The following ADGRD1 variants were observed in gnomAD, a reference collection of about 807,000 sequenced individuals.
ADGRD1 encodes G-protein coupled receptor 133.
ADGRD1 carries 77 observed loss-of-function variants against 113.4 expected under a neutral mutation model. That is an observed-to-expected ratio of 0.68 (90% confidence interval 0.57 to 0.82). ADGRD1 has a LOEUF of 0.82. Among genes scored for constraint, ADGRD1 ranks in the 40% least tolerant of loss-of-function variants. The pLI, the probability that ADGRD1 is intolerant of heterozygous loss-of-function variation, is 0.00. For synonymous variants in ADGRD1, 474 were observed against 475.0 expected (o/e 1.00, Z 0.03); for missense variants, 1,036 against 1,139.1 (o/e 0.91, Z 1.30).
Position 130,967,483 on chromosome 12 carries a change from G to A in ADGRD1, c.187+937G>A, listed in dbSNP as rs1011332626. 12 of 157,366 alleles carry A rather than the reference G, an allele frequency of 7.6e-5. No individual in the cohort carries two copies. In the South Asian group the frequency reaches 1.1e-3, roughly 15 times the overall value. 9.7% of individuals were successfully genotyped at this position (157,366 alleles called of 1,614,324 possible). On this transcript the variant is annotated intron_variant, in intron 3 of 24. Transcript: ENST00000261654. ...ATGTCAGATGGCTGACATGGGCGGC[G>A]AGGGTTTACCGTACAGCAATCCTAG...
At position 131,108,748 on chromosome 12, in the gene ADGRD1, C is replaced by T. The variant is rs753636570; in HGVS notation, c.1912C>T (p.Leu638Phe). The T allele has an allele frequency of 1.4e-5, 22 of 1,613,964 alleles. No homozygotes were observed. Among genetic ancestry groups the T allele is most frequent in the African/African-American group, 1.3e-5 (1 of 74,914 alleles). ...GACCCCCTGCCAAGTGATGGCCGTG[C>T]TCCTACACTACTTCTTCCTGAGTGC... ...GTTPCQVMAVLLHYFFLSAFA... is the reference protein window; with the variant it reads ...GTTPCQVMAVFLHYFFLSAFA... Residue 638 changes from leucine (L) to phenylalanine (F), a missense_variant, in exon 18 of 25, where the codon CTC (leucine) becomes TTC (phenylalanine). Coordinates refer to ENST00000261654, the MANE Select transcript of ADGRD1 (RefSeq NM_198827.5).
At position 131,139,641 on chromosome 12, in the gene ADGRD1, C is replaced by T. The variant is rs577218566; in HGVS notation, c.*378C>T. 1.6e-5 allele frequency: 3 copies of T among 189,258 alleles called. No homozygotes were observed. The South Asian group carries it at 3.2e-4, about 20-fold the overall frequency. The allele number at this position is 189,258 out of a possible 1,614,324, so 11.7% of individuals were successfully genotyped here. A position where few individuals can be genotyped will look rare whatever the true frequency, so the allele number is the denominator to read the frequency against. On this transcript the variant is annotated 3_prime_UTR_variant, in exon 25 of 25. Coordinates refer to ENST00000261654, the MANE Select transcript of ADGRD1 (RefSeq NM_198827.5). ...GCAGCACCAGGAGGGGATGTTCAGC[C>T]TCTGTGCCTTGGTGGGGCTTGGGGA...
chr12:131,121,048 G>A (rs542399874), intron 20 of ADGRD1, 135 bp downstream of exon 20: 12 of 738,128 alleles, frequency 1.6e-5, no homozygotes, highest in African/African-American at 1.6e-4. Context: ...GTCACTCCTC[G>A]CTAGGGCTCC....
chr12:130,996,900 A>C (rs1875513742), intron 8 of ADGRD1, among the ~76,000 whole-genome samples: 3 of 116,212 alleles, frequency 2.6e-5, no homozygotes, highest in Non-Finnish European at 3.6e-5. Flanking sequence ...ACTTCCCAGT[A>C]GGGGCGGCCG....
intron 4 of ADGRD1, among the ~76,000 whole-genome samples, chr12:130,972,421 G>T (rs1182921548): frequency 6.6e-6 from 1 of 152,114 alleles, no homozygotes; most frequent in Non-Finnish European, 1.5e-5. Flanking sequence ...GGACAAAATG[G>T]ACTTTGTTCC....
chr12:131,001,381 C>T (rs762608180), intron 9 of ADGRD1, among the ~76,000 whole-genome samples: 16 of 152,300 alleles, frequency 1.1e-4, no homozygotes, highest in Non-Finnish European at 2.4e-4. Flanking sequence ...AAAATCACTT[C>T]AAATCCTAAA....
In ADGRD1 at chr12:130,984,849, C is replaced by T. The variant is rs1321191372; in HGVS notation, c.491-2246C>T. Reference sequence around the variant, plus strand: ...CCTTCCTTCCTTCTTGCCTTCCATCCTCCCTTGCTCCCTTCCTTTCCTTCT... The same window carrying T: ...CCTTCCTTCCTTCTTGCCTTCCATCTTCCCTTGCTCCCTTCCTTTCCTTCT... On this transcript the variant is annotated intron_variant, in intron 5 of 24. Coordinates refer to ENST00000261654, the MANE Select transcript of ADGRD1 (RefSeq NM_198827.5). The surrounding 1 kb of genome is among the most constrained non-coding windows in gnomAD (Gnocchi z 4.1). 1.3e-5 allele frequency among the ~76,000 whole-genome samples: 2 copies of T among 150,284 alleles called. No individual in the cohort carries two copies. Among genetic ancestry groups the T allele is most frequent in the African/African-American group, 4.9e-5 (2 of 40,790 alleles).
At chr12:131,102,037 A>G (rs996434330) in intron 15 of ADGRD1, among the ~76,000 whole-genome samples, 1 of 152,194 alleles carries the variant, frequency 6.6e-6, no homozygotes, top group Non-Finnish European at 1.5e-5. Flanking sequence ...AGGGGGGTTT[A>G]TTTTACCTGC....
At chr12:131,098,710 G>A (rs901462502) in intron 15 of ADGRD1, among the ~76,000 whole-genome samples, 3 of 152,230 alleles carry the variant, frequency 2.0e-5, no homozygotes, top group Admixed American at 6.5e-5. Context: ...CTCCGCCACC[G>A]CCCCTGTGTG....
chr12:131,011,164 T>G (rs1391514617), intron 12 of ADGRD1, among the ~76,000 whole-genome samples: 2 of 95,934 alleles, frequency 2.1e-5, no homozygotes, highest in Non-Finnish European at 2.1e-5. Context: ...TTCCCCACCC[T>G]GCCCCACCTC....
intron 13 of ADGRD1, among the ~76,000 whole-genome samples, chr12:131,047,071 T>C (rs1410713373): frequency 4.2e-5 from 6 of 144,088 alleles, no homozygotes; most frequent in African/African-American, 1.3e-4. Context: ...TCGTCAATGC[T>C]CCTCCCTGGT....
In ADGRD1 at chr12:131,114,118, G is replaced by A. The variant is rs1353669619; in HGVS notation, c.2042-4267G>A. 2.6e-5 allele frequency among the ~76,000 whole-genome samples: 4 copies of A among 152,298 alleles called. No homozygotes were observed. In the South Asian group the frequency reaches 6.2e-4, roughly 24 times the overall value. On this transcript the variant is annotated intron_variant, in intron 18 of 24. Transcript: ENST00000261654. ...TGTATGTAGCGGGGCTGTCTGTGTC[G>A]CCGATAGGATGGGGTTGGGGTGTGT...
At chr12:131,121,033 C>A in intron 20 of ADGRD1, 120 bp downstream of exon 20, 1 of 843,732 alleles carries the variant, frequency 1.2e-6, no homozygotes, top group Non-Finnish European at 1.9e-6. Context: ...CAGCGTCGTT[C>A]CTCGGTCACT....
rs1886284753 is a variant in ADGRD1, at chr12:131,084,245, CA to C, written c.1548-294del. 1.3e-5 allele frequency among the ~76,000 whole-genome samples: 2 copies of C among 152,274 alleles called. No individual in the cohort carries two copies. Among genetic ancestry groups the C allele is most frequent in the Admixed American group, 1.3e-4 (2 of 15,298 alleles). ...GTTTCATTTTGTGCTGGGCTTGGTC[CA>C]GGTGCTTTTCAGGGTGATTGTGCGA... is the stretch of plus-strand genomic sequence containing the variant. On this transcript the variant is annotated intron_variant, in intron 14 of 24. Transcript: ENST00000261654. This position sits in a 1 kb window ranked among gnomAD's most constrained non-coding sequence, Gnocchi z 4.5.
Position 130,991,192 on chromosome 12 carries a change from T to C in ADGRD1, c.810+114T>C. 7.7e-6 allele frequency: 6 copies of C among 777,284 alleles called. No individual in the cohort carries two copies. In the South Asian group the frequency reaches 9.7e-5, roughly 13 times the overall value. 48.1% of individuals were successfully genotyped at this position (777,284 alleles called of 1,614,324 possible). A position where few individuals can be genotyped will look rare whatever the true frequency, so the allele number is the denominator to read the frequency against. On this transcript the variant is annotated intron_variant, in intron 7 of 24. Coordinates refer to ENST00000261654, the MANE Select transcript of ADGRD1 (RefSeq NM_198827.5). ...TGGGCTCTCTGTTATCGGCAGTACATTGTCTGGGAAGAAATAACAAATGGA... is the reference window on the plus strand; with the variant it reads ...TGGGCTCTCTGTTATCGGCAGTACACTGTCTGGGAAGAAATAACAAATGGA...
chr12:130,977,073 C>T (rs7967973), intron 4 of ADGRD1: 125,672 of 152,106 alleles, frequency 0.83, 52,914 homozygotes, highest in East Asian at 0.95. Flanking sequence ...TAAAAATCTA[C>T]ACTTCTGACT....
intron 15 of ADGRD1, among the ~76,000 whole-genome samples, chr12:131,100,842 C>T (rs1593215188): frequency 6.6e-6 from 1 of 152,130 alleles, no homozygotes; most frequent in Non-Finnish European, 1.5e-5. Context: ...ACTGCATTTG[C>T]AAATAGATGA....
intron 4 of ADGRD1, among the ~76,000 whole-genome samples, chr12:130,974,886 C>T (rs969668143): frequency 1.3e-5 from 2 of 152,102 alleles, no homozygotes; most frequent in Non-Finnish European, 2.9e-5. Context: ...TGCCTGCCTT[C>T]ATTCTAGGAG....
chr12:131,035,658 G>A (rs1463517010), intron 13 of ADGRD1, among the ~76,000 whole-genome samples: 1 of 152,192 alleles, frequency 6.6e-6, no homozygotes, highest in African/African-American at 2.4e-5. Flanking sequence ...CATGATGTCT[G>A]GTTGTCTGTT....
Sources: gnomAD v4.1 joint callset for allele counts (sites outside exome capture counted in the v4.1 genomes callset) on GRCh38, gnomAD v4.1.1 for gene constraint, Gnocchi (gnomAD v3.1) non-coding constraint, MANE v1.5 for transcripts, NCBI Gene and HGNC (gene_info 2026-07-23, HGNC 2026-07-21) for gene names.